BCAR3: variants seen among roughly 807,000 people sequenced by gnomAD.
BCAR3 encodes breast cancer anti-estrogen resistance protein 3.
A neutral mutation model predicts 80.1 loss-of-function variants in BCAR3; 37 were observed. That is an observed-to-expected ratio of 0.46 (90% CI 0.36 to 0.61). The LOEUF is 0.61. BCAR3 is among the 20% of genes least tolerant of loss of function. The pLI is 0.00. For synonymous variants in BCAR3, 389 were observed against 418.9 expected (o/e 0.93, Z 0.87); for missense variants, 978 against 1,068.2 (o/e 0.92, Z 1.18).
intron 2 of BCAR3, among the ~76,000 whole-genome samples, chr1:93,768,760 TCATTTCGTG>T (rs1374720830): frequency 1.3e-5 from 2 of 152,126 alleles, no homozygotes; most frequent in African/African-American, 4.8e-5. Flanking sequence ...TGGAGGCCTC[TCATTTCGTG>T]GAGATAAGGT....
intron 3 of BCAR3, among the ~76,000 whole-genome samples, chr1:93,688,772 G>A (rs372584290): frequency 0.011 from 1,452 of 129,034 alleles, 25 homozygotes; most frequent in African/African-American, 0.057. Flanking sequence ...AGGTTTTTTT[G>A]TTTGTTTTTG....
chr1:93,684,382 C>G (rs1648902684), upstream of BCAR3, among the ~76,000 whole-genome samples: 1 of 152,132 alleles, frequency 6.6e-6, no homozygotes, highest in Non-Finnish European at 1.5e-5. Context: ...CTTGGGCAAG[C>G]CATTCTTCCC....
intron 3 of BCAR3, among the ~76,000 whole-genome samples, chr1:93,705,062 G>C (rs1649787603): frequency 6.6e-6 from 1 of 152,176 alleles, no homozygotes; most frequent in African/African-American, 2.4e-5. Flanking sequence ...TTAGACCAAT[G>C]ATCTTCCTAG....
At position 93,582,164 on chromosome 1, in the gene BCAR3, G is replaced by C; in HGVS notation, c.1686+137C>G. The stretch of plus-strand genomic sequence containing the variant: ...ATCTTCAGACTTTCCTATGGGCAAA[G>C]CATTTAATGGGTGAGGCAGAGTGAG... On this transcript the variant is annotated intron_variant, in intron 7 of 11. Transcript: ENST00000260502. The C allele has an allele frequency of 3.5e-6, 4 of 1,145,918 alleles. 1 individual carries two copies. The South Asian group carries it at 6.6e-5, about 19-fold the overall frequency. The allele number at this position is 1,145,918 out of a possible 1,614,324, so 71.0% of individuals were successfully genotyped here.
intron 2 of BCAR3, among the ~76,000 whole-genome samples, chr1:93,741,425 G>A (rs1651172426): frequency 6.6e-6 from 1 of 152,176 alleles, no homozygotes; most frequent in Non-Finnish European, 1.5e-5. Context: ...TGCCCGGGTT[G>A]TCTTTTCAGT....
intron 2 of BCAR3, among the ~76,000 whole-genome samples, chr1:93,750,127 C>A (rs552086830): frequency 1.3e-5 from 2 of 152,296 alleles, no homozygotes; most frequent in South Asian, 4.1e-4. Context: ...GGAAGCAATT[C>A]AGTTTGGCCC....
At chr1:93,789,868 T>C (rs567410467) in intron 2 of BCAR3, among the ~76,000 whole-genome samples, 1 of 152,282 alleles carries the variant, frequency 6.6e-6, no homozygotes, top group African/African-American at 2.4e-5. Context: ...GAGGCAATGA[T>C]CCATTGCACA....
At chr1:93,726,968 C>T (rs540379760) in intron 2 of BCAR3, among the ~76,000 whole-genome samples, 2 of 152,216 alleles carry the variant, frequency 1.3e-5, no homozygotes, top group South Asian at 4.2e-4. Context: ...TTTTATGACT[C>T]CTTTCATCTT....
intron 3 of BCAR3, among the ~76,000 whole-genome samples, chr1:93,625,447 C>T (rs187967048): frequency 9.9e-5 from 15 of 152,264 alleles, no homozygotes; most frequent in Admixed American, 9.8e-4. Context: ...ACCACACAGA[C>T]CCCTTCAAAA....
chr1:93,567,892 A>C, intron 9 of BCAR3, 41 bp from the exon 10 acceptor site: 1 of 1,553,050 alleles, frequency 6.4e-7, no homozygotes, highest in Non-Finnish European at 8.9e-7. Flanking sequence ...TCTTTTTAAA[A>C]TTACCTTTTA....
chr1:93,783,026 A>G (rs1652816544), intron 2 of BCAR3, among the ~76,000 whole-genome samples: 1 of 152,248 alleles, frequency 6.6e-6, no homozygotes. Flanking sequence ...GAAGGAAAAA[A>G]ACATGAACTG....
chr1:93,714,059 T>C (rs1650115569), intron 2 of BCAR3, among the ~76,000 whole-genome samples: 1 of 152,176 alleles, frequency 6.6e-6, no homozygotes. Flanking sequence ...CTCAGCTCAC[T>C]GCAAGCTCCG....
intron 10 of BCAR3, 100 bp from the exon 11 acceptor site, chr1:93,567,591 C>A (rs1673009616): frequency 1.2e-5 from 18 of 1,448,734 alleles, no homozygotes; most frequent in Non-Finnish European, 1.6e-5. Flanking sequence ...GCAACTGCAG[C>A]CTTCTACAAG....
chr1:93,713,282 A>C (rs568963419), intron 2 of BCAR3, among the ~76,000 whole-genome samples: 1 of 152,218 alleles, frequency 6.6e-6, no homozygotes, highest in Admixed American at 6.5e-5. Flanking sequence ...AGTGAAAGGT[A>C]GATGGGGAGA....
intron 2 of BCAR3, among the ~76,000 whole-genome samples, chr1:93,769,529 A>T (rs943230148): frequency 6.6e-6 from 1 of 152,000 alleles, no homozygotes. Flanking sequence ...AAAGGACTCA[A>T]ATTGCACCAC....
intron 2 of BCAR3, among the ~76,000 whole-genome samples, chr1:93,774,859 G>A (rs1571117868): frequency 6.6e-6 from 1 of 152,280 alleles, no homozygotes; most frequent in Middle Eastern, 3.4e-3. Context: ...CCTTGCCAGG[G>A]AATTCCAAAA....
intron 2 of BCAR3, among the ~76,000 whole-genome samples, chr1:93,821,486 C>T (rs1289977600): frequency 6.6e-6 from 1 of 152,132 alleles, no homozygotes; most frequent in African/African-American, 2.4e-5. Context: ...GCTGTTTGCC[C>T]ACACTAAATA....
intron 2 of BCAR3, among the ~76,000 whole-genome samples, chr1:93,670,752 TC>T (rs1182337629): frequency 2.0e-5 from 3 of 152,160 alleles, no homozygotes; most frequent in African/African-American, 7.2e-5. Flanking sequence ...TATGAACATA[TC>T]CTTTAAGCTA....
At chr1:93,801,097 T>C (rs1414567138) in intron 2 of BCAR3, among the ~76,000 whole-genome samples, 2 of 152,218 alleles carry the variant, frequency 1.3e-5, no homozygotes, top group Non-Finnish European at 2.9e-5. Context: ...GTATTCCTCT[T>C]TTCCTTTTCT....
Sources: gnomAD v4.1 joint callset for allele counts (sites outside exome capture counted in the v4.1 genomes callset) on GRCh38, gnomAD v4.1.1 for gene constraint, MANE v1.5 for transcripts, NCBI Gene and HGNC (gene_info 2026-07-23, HGNC 2026-07-21) for gene names.